The following AFF2 variants were observed in gnomAD, a reference collection of about 807,000 sequenced individuals.
The protein encoded by AFF2 is ALF transcription elongation factor 2, also known as AF4/FMR2 family member 2.
A neutral mutation model predicts 76.9 loss-of-function variants in AFF2; 14 were observed. That is an observed-to-expected ratio of 0.18 (90% CI 0.12 to 0.28). The LOEUF is 0.28. AFF2 is among the 10% of genes least tolerant of loss of function. The pLI, the probability that AFF2 is intolerant of heterozygous loss-of-function variation, is 1.00. For missense variants in AFF2, 868 were observed against 1,001.1 expected (o/e 0.87, Z 1.79); for synonymous variants, 398 against 366.7 (o/e 1.09, Z -0.98).
At chrX:148,925,135 T>C (rs1310479948) in intron 9 of AFF2, among the ~76,000 whole-genome samples, 1 of 112,601 alleles carries the variant, frequency 8.9e-6, no homozygotes, top group Non-Finnish European at 1.9e-5. Context: ...ACAGTTCTAA[T>C]CCTGTCTAAT....
chrX:148,574,578 A>G (rs891348363), intron 1 of AFF2, among the ~76,000 whole-genome samples: 12 of 111,063 alleles, frequency 1.1e-4, no homozygotes, highest in African/African-American at 3.9e-4. Context: ...GTTTGGGTCA[A>G]ATTGTTTAGG....
chrX:148,591,719 T>C (rs1373015275), intron 1 of AFF2, among the ~76,000 whole-genome samples: 1 of 112,102 alleles, frequency 8.9e-6, no homozygotes, highest in African/African-American at 3.2e-5. Flanking sequence ...TTGCTTTCCA[T>C]AGAAGTGACC....
At chrX:148,631,426 C>T (rs1055161036) in intron 1 of AFF2, among the ~76,000 whole-genome samples, 3 of 94 alleles carry the variant, frequency 0.032, no homozygotes, top group Admixed American at 0.14. Context: ...AAGGGCAATG[C>T]GCAACCTGAC....
At chrX:148,711,399 T>C in intron 3 of AFF2, among the ~76,000 whole-genome samples, 2 of 112,044 alleles carry the variant, frequency 1.8e-5, no homozygotes, top group South Asian at 7.4e-4. Context: ...GTGGGACTAG[T>C]CTAGGTTAAG....
intron 8 of AFF2, among the ~76,000 whole-genome samples, chrX:148,901,356 T>C (rs2071352647): frequency 8.9e-6 from 1 of 111,999 alleles, no homozygotes; most frequent in South Asian, 3.8e-4. Flanking sequence ...TAGGGAACCA[T>C]GGCACAAAAT....
chrX:148,517,125 C>T (rs1199263206), intron 1 of AFF2, among the ~76,000 whole-genome samples: 1 of 111,597 alleles, frequency 9.0e-6, no homozygotes, highest in African/African-American at 3.3e-5. Flanking sequence ...GTATAAATGG[C>T]CCCTGGAGTC....
At chrX:148,704,936 A>C (rs1457611641) in intron 3 of AFF2, among the ~76,000 whole-genome samples, 1 of 110,760 alleles carries the variant, frequency 9.0e-6, no homozygotes, top group Non-Finnish European at 1.9e-5. Flanking sequence ...CAAAGTATTG[A>C]GATTAGAAGC....
At chrX:148,932,919 G>A (rs1351438111) in intron 9 of AFF2, among the ~76,000 whole-genome samples, 3 of 112,376 alleles carry the variant, frequency 2.7e-5, no homozygotes, top group South Asian at 3.7e-4. Context: ...AAAGCTCTGC[G>A]CTAGTGGAGT....
At chrX:148,619,784 C>G (rs1463510243) in intron 1 of AFF2, among the ~76,000 whole-genome samples, 2 of 111,730 alleles carry the variant, frequency 1.8e-5, no homozygotes, top group African/African-American at 3.2e-5. Context: ...ATCTTGCCTC[C>G]CTAGAGGACT....
intron 9 of AFF2, among the ~76,000 whole-genome samples, chrX:148,909,408 T>C (rs1361301149): frequency 8.9e-6 from 1 of 112,142 alleles, no homozygotes; most frequent in African/African-American, 3.2e-5. Context: ...TGCTGGTAAA[T>C]AAACTTATTA....
At chrX:148,696,992 T>C (rs1557261351) in intron 3 of AFF2, among the ~76,000 whole-genome samples, 1 of 112,525 alleles carries the variant, frequency 8.9e-6, no homozygotes, top group Non-Finnish European at 1.9e-5. Context: ...TTATTGTAGT[T>C]ATGTAATTAA....
At chrX:148,749,333 G>A (rs1465709064) in intron 3 of AFF2, among the ~76,000 whole-genome samples, 11 of 106,829 alleles carry the variant, frequency 1.0e-4, no homozygotes, top group African/African-American at 3.1e-4. Flanking sequence ...GTGCAATGAC[G>A]TGATCATAGC....
chrX:148,812,920 G>GC (rs1359595564), intron 4 of AFF2, among the ~76,000 whole-genome samples: 5 of 111,595 alleles, frequency 4.5e-5, no homozygotes, highest in African/African-American at 9.8e-5. Context: ...TTCTTTCTTT[G>GC]CCCCCCTGGG....
At chrX:148,824,523 C>A (rs980707505) in intron 4 of AFF2, among the ~76,000 whole-genome samples, 2 of 111,697 alleles carry the variant, frequency 1.8e-5, no homozygotes, top group Admixed American at 1.9e-4. Context: ...ACATTGTATA[C>A]CATAAATATA....
chrX:148,997,973 C>A lies in AFF2; in HGVS notation c.*6641C>A, dbSNP rs1052047310. On this transcript the variant is annotated 3_prime_UTR_variant, in exon 21 of 21. Coordinates refer to ENST00000370460, the MANE Select transcript of AFF2 (RefSeq NM_002025.4). ...AAAGAGAAATGTCTGAGATAAAATC[C>A]CTCACATTTACTCAATATAACAAAT... 2.7e-5 allele frequency: 3 copies of A among 112,296 alleles called. No individual in the cohort carries two copies. Among genetic ancestry groups the A allele is most frequent in the Admixed American group, 1.9e-4 (2 of 10,647 alleles). 9.3% of individuals were successfully genotyped at this position (112,296 alleles called of 1,213,427 possible). A position where few individuals can be genotyped will look rare whatever the true frequency, so the allele number is the denominator to read the frequency against.
At chrX:148,758,438 T>C (rs2069401252) in intron 3 of AFF2, among the ~76,000 whole-genome samples, 2 of 112,254 alleles carry the variant, frequency 1.8e-5, no homozygotes, top group Non-Finnish European at 1.9e-5. Flanking sequence ...TTGTGGAACA[T>C]TGGGAAACTG....
At chrX:148,945,526 A>G (rs1275346121) in intron 9 of AFF2, among the ~76,000 whole-genome samples, 18 of 111,978 alleles carry the variant, frequency 1.6e-4, no homozygotes, top group African/African-American at 3.9e-4. Flanking sequence ...GCCATGCTCA[A>G]TGTGGTCCAC....
intron 1 of AFF2, among the ~76,000 whole-genome samples, chrX:148,590,795 A>C (rs1373238408): frequency 8.9e-6 from 1 of 112,231 alleles, no homozygotes; most frequent in African/African-American, 3.2e-5. Flanking sequence ...AGACCCAGTA[A>C]AATGAATATT....
intron 8 of AFF2, among the ~76,000 whole-genome samples, chrX:148,897,257 A>G (rs868972773): frequency 4.8e-5 from 2 of 41,405 alleles, no homozygotes; most frequent in African/African-American, 1.1e-4. Context: ...ATATATATAT[A>G]TATATATATA....
Sources: gnomAD v4.1 joint callset for allele counts (sites outside exome capture counted in the v4.1 genomes callset) on GRCh38, gnomAD v4.1.1 for gene constraint, MANE v1.5 for transcripts, NCBI Gene and HGNC (gene_info 2026-07-23, HGNC 2026-07-21) for gene names.